The following CNTN5 variants were observed in gnomAD, a reference collection of about 807,000 sequenced individuals.
The protein encoded by CNTN5 is contactin-5.
In CNTN5, 77 loss-of-function variants were observed where a neutral mutation model predicts 129.1. The ratio of observed to expected loss-of-function variants is 0.60; its 90% CI spans 0.50 to 0.72. CNTN5 has a LOEUF of 0.72. Among genes scored for constraint, CNTN5 ranks in the 30% least tolerant of loss-of-function variants. The probability of loss-of-function intolerance (pLI) is 0.00; values close to 1 mark genes in which losing one functional copy is unlikely to be tolerated. For missense variants in CNTN5, 1,478 were observed against 1,328.8 expected (o/e 1.11, Z -1.75); for synonymous variants, 509 against 465.6 (o/e 1.09, Z -1.20).
At chr11:99,831,423 G>A (rs1163632013) in intron 4 of CNTN5, among the ~76,000 whole-genome samples, 2 of 152,296 alleles carry the variant, frequency 1.3e-5, no homozygotes, top group African/African-American at 4.8e-5. Flanking sequence ...AGTATTGCTT[G>A]TGTGACATGC....
intron 15 of CNTN5, among the ~76,000 whole-genome samples, chr11:100,209,502 A>C (rs916709446): frequency 4.6e-5 from 7 of 152,206 alleles, no homozygotes; most frequent in Non-Finnish European, 8.8e-5. Flanking sequence ...AGAAAATTCT[A>C]ATCACTTTAC....
intron 1 of CNTN5, among the ~76,000 whole-genome samples, chr11:99,254,040 A>G (rs1862251946): frequency 6.6e-6 from 1 of 151,584 alleles, no homozygotes; most frequent in South Asian, 2.1e-4. Context: ...AATATTTATA[A>G]TTTGGCTTTT....
chr11:100,184,117 G>C (rs1348577779), intron 13 of CNTN5, among the ~76,000 whole-genome samples: 3 of 152,106 alleles, frequency 2.0e-5, no homozygotes, highest in Admixed American at 2.0e-4. Context: ...TCAGGTTTCT[G>C]TGTTATTTCC....
intron 2 of CNTN5, among the ~76,000 whole-genome samples, chr11:99,485,647 G>C (rs1945783461): frequency 6.6e-6 from 1 of 151,846 alleles, no homozygotes; most frequent in East Asian, 1.9e-4. Context: ...TATATACTAG[G>C]ATAAAATGAG....
rs1313674024 is a variant in CNTN5 at position 99,226,715 on chromosome 11, A to G, written c.-209-98631A>G. ...CTAAATAATAAGTTCCTAATAGGCA[A>G]AGATCACCTGTATAAGGTGTGTTCC... On this transcript the variant is annotated intron_variant, in intron 1 of 24. Coordinates refer to ENST00000524871, the MANE Select transcript of CNTN5 (RefSeq NM_014361.4). Among the ~76,000 whole-genome samples the G allele has an allele frequency of 2.6e-5, 4 of 152,318 alleles. No homozygotes were observed. The South Asian group carries it at 6.2e-4, about 24-fold the overall frequency.
At chr11:100,175,191 A>G (rs1200716031) in intron 13 of CNTN5, among the ~76,000 whole-genome samples, 1 of 152,128 alleles carries the variant, frequency 6.6e-6, no homozygotes. Flanking sequence ...GTCAGTGTGC[A>G]GTGGCTGAAA....
Position 99,384,902 on chromosome 11 carries a change from AC to A in CNTN5, c.-71+59424del, listed in dbSNP as rs539528245. Among the ~76,000 whole-genome samples the A allele has an allele frequency of 9.9e-5, 15 of 152,162 alleles. No homozygotes were observed. In the South Asian group the frequency reaches 3.1e-3, roughly 32 times the overall value. Reference sequence around the variant, plus strand: ...TTTGTGGTGAGAAAATTCAAAGTCTACCCCCCTAACACTTTTATATAAATTA... The same window carrying A: ...TTTGTGGTGAGAAAATTCAAAGTCTACCCCCTAACACTTTTATATAAATTA... On this transcript the variant is annotated intron_variant, in intron 2 of 24. Coordinates refer to ENST00000524871, the MANE Select transcript of CNTN5 (RefSeq NM_014361.4).
intron 2 of CNTN5, among the ~76,000 whole-genome samples, chr11:99,552,932 C>T (rs932328559): frequency 6.6e-6 from 1 of 152,112 alleles, no homozygotes; most frequent in Non-Finnish European, 1.5e-5. Context: ...ACTTGACTTA[C>T]TTCGTAGACA....
chr11:99,148,270 T>G (rs1859882350), intron 1 of CNTN5, among the ~76,000 whole-genome samples: 2 of 152,306 alleles, frequency 1.3e-5, no homozygotes, highest in Admixed American at 6.5e-5. Flanking sequence ...TCATGTTGTT[T>G]TTCTTTCATC....
At chr11:99,276,217 C>T (rs375137551) in intron 1 of CNTN5, among the ~76,000 whole-genome samples, 17 of 151,802 alleles carry the variant, frequency 1.1e-4, no homozygotes, top group Admixed American at 4.0e-4. Flanking sequence ...AAACATTTGT[C>T]GCATTCAGTT....
At chr11:99,367,670 A>T (rs1939536870) in intron 2 of CNTN5, among the ~76,000 whole-genome samples, 1 of 152,204 alleles carries the variant, frequency 6.6e-6, no homozygotes, top group Non-Finnish European at 1.5e-5. Flanking sequence ...AATAAGTAAC[A>T]TTATCCAGCT....
At chr11:99,735,477 G>C (rs894081975) in intron 3 of CNTN5, among the ~76,000 whole-genome samples, 11 of 152,264 alleles carry the variant, frequency 7.2e-5, no homozygotes, top group African/African-American at 2.6e-4. Context: ...TAAGAAGATT[G>C]AACAATGAAG....
intron 1 of CNTN5, among the ~76,000 whole-genome samples, chr11:99,058,344 GAGGCTGGAGATATATAAATATGAC>G (rs1363415121): frequency 6.6e-6 from 1 of 152,014 alleles, no homozygotes; most frequent in African/African-American, 2.4e-5. Flanking sequence ...TGAAGAGGTG[GAGGCTGGAGATATATAAATATGAC>G]AGCCATAAAC....
intron 21 of CNTN5, among the ~76,000 whole-genome samples, chr11:100,319,163 T>C (rs1403801532): frequency 6.6e-6 from 1 of 150,544 alleles, no homozygotes; most frequent in Non-Finnish European, 1.5e-5. Context: ...CTTTTTTTTT[T>C]TTTTTTTGAG....
chr11:99,212,368 G>A (rs1390202321), intron 1 of CNTN5, among the ~76,000 whole-genome samples: 1 of 152,136 alleles, frequency 6.6e-6, no homozygotes, highest in Non-Finnish European at 1.5e-5. Context: ...CATGGGTTGT[G>A]GGGGAAGTTG....
chr11:99,840,021 C>G (rs1196699028), intron 4 of CNTN5, among the ~76,000 whole-genome samples: 1 of 151,976 alleles, frequency 6.6e-6, no homozygotes, highest in African/African-American at 2.4e-5. Context: ...GATGACTACA[C>G]CAAGACATAT....
intron 2 of CNTN5, among the ~76,000 whole-genome samples, chr11:99,374,778 G>C (rs17133421): frequency 0.032 from 4,803 of 152,230 alleles, 252 homozygotes; most frequent in African/African-American, 0.11. Flanking sequence ...TATCATTTGT[G>C]ACCTCCAGAC....
At chr11:99,364,696 A>G (rs547436733) in intron 2 of CNTN5, among the ~76,000 whole-genome samples, 2 of 152,260 alleles carry the variant, frequency 1.3e-5, no homozygotes, top group South Asian at 4.1e-4. Context: ...TAAGAATAAG[A>G]TACTTTCATT....
chr11:99,167,761 A>G lies in CNTN5; in HGVS notation c.-210+146491A>G, dbSNP rs763416568. ...ACACATCTTTAATATATCAAGATCT[A>G]ATATGGCTCCAGTATAACTTTTAAC... On this transcript the variant is annotated intron_variant, in intron 1 of 24. Coordinates refer to ENST00000524871, the MANE Select transcript of CNTN5 (RefSeq NM_014361.4). Among the ~76,000 whole-genome samples, 18 of 152,272 alleles carry G rather than the reference A, an allele frequency of 1.2e-4. No individual in the cohort carries two copies. The South Asian group carries it at 1.5e-3, about 12-fold the overall frequency.
Sources: gnomAD v4.1 joint callset for allele counts (sites outside exome capture counted in the v4.1 genomes callset) on GRCh38, gnomAD v4.1.1 for gene constraint, MANE v1.5 for transcripts, NCBI Gene and HGNC (gene_info 2026-07-23, HGNC 2026-07-21) for gene names.